The following UBR1 variants were observed in gnomAD, a reference collection of about 807,000 sequenced individuals.
UBR1 encodes the protein ubiquitin protein ligase E3 component n-recognin 1, also known as E3 ubiquitin-protein ligase UBR1.
Under a neutral mutation model 242.1 loss-of-function variants are expected in UBR1, and 102 were observed. The observed-to-expected ratio is 0.42, with a 90% CI of 0.36 to 0.50. The LOEUF (loss-of-function observed/expected upper bound fraction) is 0.50, where lower values mean the gene tolerates loss of function less well. Ranked by LOEUF, UBR1 falls within the 20% of genes least tolerant of loss-of-function variation. UBR1 has a pLI of 0.01. For synonymous variants in UBR1, 675 were observed against 684.8 expected (o/e 0.99, Z 0.22); for missense variants, 1,772 against 2,101.8 (o/e 0.84, Z 3.07).
At chr15:42,947,462 G>C (rs545506673) in intron 46 of UBR1, among the ~76,000 whole-genome samples, 2 of 152,104 alleles carry the variant, frequency 1.3e-5, no homozygotes, top group South Asian at 4.2e-4. Flanking sequence ...GGAAATAAAG[G>C]GTATTCAATT....
intron 37 of UBR1, among the ~76,000 whole-genome samples, chr15:42,979,927 G>A (rs1391351539): frequency 6.6e-6 from 1 of 152,046 alleles, no homozygotes; most frequent in East Asian, 1.9e-4. Flanking sequence ...ATTAATATTG[G>A]CTACATAAAA....
At chr15:42,989,970 G>A in intron 34 of UBR1, 60 bp downstream of exon 34, 1 of 1,242,016 alleles carries the variant, frequency 8.1e-7, no homozygotes, top group Non-Finnish European at 1.2e-6. Flanking sequence ...AGCCTACACT[G>A]TTTCCTACTC....
At chr15:43,014,388 G>T (rs1279587064) in intron 29 of UBR1, among the ~76,000 whole-genome samples, 6 of 150,962 alleles carry the variant, frequency 4.0e-5, no homozygotes, top group African/African-American at 1.5e-4. Context: ...GCCCAGTCTG[G>T]AAAGTGAGGA....
chr15:42,965,186 T>C (rs919125444), intron 41 of UBR1, among the ~76,000 whole-genome samples: 13 of 152,128 alleles, frequency 8.5e-5, no homozygotes, highest in Non-Finnish European at 5.9e-5. Context: ...CTGAACTGAG[T>C]TCAAGATAAA....
chr15:43,029,471 C>T (rs2033225306), intron 21 of UBR1, among the ~76,000 whole-genome samples: 1 of 152,178 alleles, frequency 6.6e-6, no homozygotes, highest in African/African-American at 2.4e-5. Context: ...TTCTGGGAGA[C>T]ATGGGGAGGG....
chr15:43,081,742 GTT>G (rs919687397), intron 3 of UBR1, among the ~76,000 whole-genome samples: 1 of 151,884 alleles, frequency 6.6e-6, no homozygotes, highest in Non-Finnish European at 1.5e-5. Flanking sequence ...GTTTGGCAAA[GTT>G]TTTTTGCTCA....
chr15:42,946,420 C>T (rs1316911509), intron 46 of UBR1, among the ~76,000 whole-genome samples: 1 of 152,086 alleles, frequency 6.6e-6, no homozygotes, highest in Non-Finnish European at 1.5e-5. Flanking sequence ...ACCACCGCGG[C>T]CGCCTGGTTG....
chr15:43,104,575 A>G (rs1297041408), intron 1 of UBR1, among the ~76,000 whole-genome samples: 1 of 151,314 alleles, frequency 6.6e-6, no homozygotes, highest in Non-Finnish European at 1.5e-5. Context: ...CCTTTTTCCA[A>G]CTCCCTCCCT....
At chr15:42,987,059 C>A (rs2032474077) in intron 35 of UBR1, among the ~76,000 whole-genome samples, 1 of 152,250 alleles carries the variant, frequency 6.6e-6, no homozygotes, top group African/African-American at 2.4e-5. Flanking sequence ...CCTCAGCTCC[C>A]ATGCCCCTGC....
chr15:43,091,346 A>G lies in UBR1; in HGVS notation c.82-5106T>C, dbSNP rs142627756. On this transcript the variant is annotated intron_variant, in intron 1 of 46. Coordinates refer to ENST00000290650, the MANE Select transcript of UBR1 (RefSeq NM_174916.3). ...ACCAAGACACTCAAAGGAAATGCTC[A>G]TTGTAACATTTTGGATTTTAGATTT... 3.5e-3 allele frequency among the ~76,000 whole-genome samples: 526 copies of G among 152,370 alleles called. 2 individuals carry two copies. The highest frequency in any genetic ancestry group is 0.012 in the African/African-American group (501 of 41,598).
At chr15:43,021,465 TCAAA>T in intron 26 of UBR1, 90 bp from the exon 27 acceptor site, 8 of 1,158,922 alleles carry the variant, frequency 6.9e-6, no homozygotes, top group Non-Finnish European at 9.1e-6. Context: ...CCTGTGGACA[TCAAA>T]GTCCACTAAT....
At chr15:43,041,076 A>G (rs2033411631) in intron 15 of UBR1, among the ~76,000 whole-genome samples, 1 of 152,250 alleles carries the variant, frequency 6.6e-6, no homozygotes, top group Non-Finnish European at 1.5e-5. Context: ...CATTTGACCC[A>G]GCAATCCCAT....
chr15:42,970,725 C>A, intron 39 of UBR1, 118 bp from the exon 40 acceptor site: 1 of 945,552 alleles, frequency 1.1e-6, no homozygotes, highest in Non-Finnish European at 1.6e-6. Context: ...GAGGTTCTTT[C>A]CTTTTTTTTT....
chr15:43,067,900 C>G lies in UBR1; in HGVS notation c.796G>C (p.Glu266Gln), dbSNP rs1398191306. 2 of 1,614,024 alleles carry G rather than the reference C, an allele frequency of 1.2e-6. No individual in the cohort carries two copies. Among genetic ancestry groups the G allele is most frequent in the Non-Finnish European group, 1.7e-6 (2 of 1,180,006 alleles). ...AQLHTTAIDK[E>Q]GRRAVKAGAY... is the part of the protein sequence containing the mutation. Reference sequence around the variant, plus strand: ...CAATTCAAAAGGAGACCACAAACCTCTTTGTCAATGGCAGTGGTATGCAAC... The same window carrying G: ...CAATTCAAAAGGAGACCACAAACCTGTTTGTCAATGGCAGTGGTATGCAAC... The change falls in exon 6 of 47, where the codon GAG becomes CAG. Residue 266 changes from glutamate to glutamine, a missense_variant and splice_region_variant. Physicochemically the swap from Glu to Gln is conservative, Grantham distance 29. Coordinates refer to ENST00000290650, the MANE Select transcript of UBR1 (RefSeq NM_174916.3).
chr15:42,977,730 A>G (rs2032311925), intron 38 of UBR1, 150 bp downstream of exon 38: 1 of 633,226 alleles, frequency 1.6e-6, no homozygotes, highest in African/African-American at 1.9e-5. Context: ...TCAAATCTGT[A>G]CCTATTTGTA....
chr15:43,049,363 A>C (rs1474453323), intron 12 of UBR1, among the ~76,000 whole-genome samples: 2 of 152,172 alleles, frequency 1.3e-5, no homozygotes, highest in Non-Finnish European at 2.9e-5. Flanking sequence ...GGAGATTGAG[A>C]CCATCCTGGC....
intron 42 of UBR1, among the ~76,000 whole-genome samples, chr15:42,961,610 T>C (rs79952381): frequency 1.3e-5 from 2 of 151,756 alleles, no homozygotes; most frequent in African/African-American, 4.8e-5. Flanking sequence ...TCTTTTTTTT[T>C]AGTAGAGATG....
At chr15:43,081,173 C>A (rs1408613954) in intron 3 of UBR1, among the ~76,000 whole-genome samples, 1 of 152,010 alleles carries the variant, frequency 6.6e-6, no homozygotes, top group Non-Finnish European at 1.5e-5. Flanking sequence ...AATCCCAGCA[C>A]TTCAGGAGGC....
At chr15:43,015,251 T>C (rs2033002798) in intron 29 of UBR1, among the ~76,000 whole-genome samples, 1 of 152,174 alleles carries the variant, frequency 6.6e-6, no homozygotes, top group African/African-American at 2.4e-5. Flanking sequence ...GCTGTGTCTG[T>C]GTAGAAAGAA....
Sources: gnomAD v4.1 joint callset for allele counts (sites outside exome capture counted in the v4.1 genomes callset) on GRCh38, gnomAD v4.1.1 for gene constraint, MANE v1.5 for transcripts, NCBI Gene and HGNC (gene_info 2026-07-23, HGNC 2026-07-21) for gene names.